The following RGS7 variants were observed in gnomAD, a reference collection of about 807,000 sequenced individuals.
The protein encoded by RGS7 is regulator of G-protein signaling 7.
RGS7 carries 27 observed loss-of-function variants against 81.1 expected under a neutral mutation model. The observed-to-expected ratio is 0.33, with a 90% CI of 0.25 to 0.46. The LOEUF is 0.46. RGS7 is among the 20% of genes least tolerant of loss of function. The pLI is 1.00. For synonymous variants in RGS7, 208 were observed against 207.7 expected, an observed-to-expected ratio of 1.00 and a Z score of -0.01; for missense variants, 396 against 607.4, an observed-to-expected ratio of 0.65 and a Z score of 3.66.
chr1:240,781,528 A>T (rs1349599657), intron 18 of RGS7, among the ~76,000 whole-genome samples: 3 of 152,040 alleles, frequency 2.0e-5, no homozygotes, highest in Non-Finnish European at 4.4e-5. Flanking sequence ...AATCGCTTGA[A>T]CCCAGGAGGC....
chr1:241,203,293 C>T (rs947040091), intron 2 of RGS7, among the ~76,000 whole-genome samples: 10 of 152,018 alleles, frequency 6.6e-5, no homozygotes, highest in Non-Finnish European at 8.8e-5. Flanking sequence ...AGTGCAGCAG[C>T]GTGATCTCGG....
chr1:241,152,290 G>A (rs2068812231), intron 2 of RGS7, among the ~76,000 whole-genome samples: 1 of 152,102 alleles, frequency 6.6e-6, no homozygotes, highest in African/African-American at 2.4e-5. Context: ...TTAAAAATAT[G>A]TGTAAAACAC....
At chr1:241,122,825 T>C (rs1172046802) in intron 2 of RGS7, among the ~76,000 whole-genome samples, 1 of 152,214 alleles carries the variant, frequency 6.6e-6, no homozygotes, top group African/African-American at 2.4e-5. Flanking sequence ...CCACTTGATT[T>C]GTTGACTCCT....
chr1:240,914,123 T>C (rs924789610), intron 6 of RGS7, among the ~76,000 whole-genome samples: 1 of 148,472 alleles, frequency 6.7e-6, no homozygotes, highest in East Asian at 2.0e-4. Context: ...ATGTTTTATT[T>C]TTCTTCCTGG....
At chr1:240,919,018 T>C (rs1673058545) in intron 6 of RGS7, among the ~76,000 whole-genome samples, 2 of 152,130 alleles carry the variant, frequency 1.3e-5, no homozygotes, top group South Asian at 4.1e-4. Context: ...AGATACAATC[T>C]ACTGAAACTC....
intron 10 of RGS7, among the ~76,000 whole-genome samples, chr1:240,816,726 C>G (rs2103120892): frequency 6.6e-6 from 1 of 152,264 alleles, no homozygotes; most frequent in South Asian, 2.1e-4. Flanking sequence ...TCAACACTAA[C>G]TAACATTTCA....
At chr1:241,076,462 A>C (rs1412983356) in intron 3 of RGS7, among the ~76,000 whole-genome samples, 1 of 152,190 alleles carries the variant, frequency 6.6e-6, no homozygotes, top group African/African-American at 2.4e-5. Flanking sequence ...CCTCACTCGG[A>C]GCAATCTCTG....
At chr1:241,239,452 C>G (rs1389399137) in intron 2 of RGS7, among the ~76,000 whole-genome samples, 2 of 152,152 alleles carry the variant, frequency 1.3e-5, no homozygotes, top group Admixed American at 6.6e-5. Context: ...TCATGTCCCC[C>G]CTTCACTCAA....
chr1:240,921,907 T>C (rs567492524), intron 6 of RGS7, among the ~76,000 whole-genome samples: 13 of 151,958 alleles, frequency 8.6e-5, no homozygotes, highest in African/African-American at 2.4e-4. Flanking sequence ...GATTCCAAAG[T>C]TGAAGTGGAA....
At chr1:241,042,178 G>A (rs1219160550) in intron 3 of RGS7, among the ~76,000 whole-genome samples, 1 of 152,182 alleles carries the variant, frequency 6.6e-6, no homozygotes, top group African/African-American at 2.4e-5. Flanking sequence ...CTGTACATAT[G>A]TATCATCTCT....
At chr1:241,011,183 A>T (rs1336906242) in intron 3 of RGS7, among the ~76,000 whole-genome samples, 1 of 152,204 alleles carries the variant, frequency 6.6e-6, no homozygotes, top group Admixed American at 6.5e-5. Context: ...TCACATTTTT[A>T]AAAAAGTTCT....
At position 241,015,599 on chromosome 1, in the gene RGS7, T is replaced by A. The variant is rs1210048565; in HGVS notation, c.176-32470A>T. On this transcript the variant is annotated intron_variant, in intron 3 of 18. Coordinates refer to ENST00000440928, the MANE Select transcript of RGS7 (RefSeq NM_001364886.1). ...TGTGCATTTTAGAGTAAATGATTGG[T>A]CTTGTACTGATTGATGGTAACAAAT... Among the ~76,000 whole-genome samples the A allele has an allele frequency of 2.0e-5, 3 of 152,206 alleles. No individual in the cohort carries two copies. The East Asian group carries it at 5.8e-4, about 29-fold the overall frequency.
chr1:240,970,766 CTCGAGATCAGGAGT>C (rs1425244582), intron 4 of RGS7, among the ~76,000 whole-genome samples: 2 of 152,130 alleles, frequency 1.3e-5, no homozygotes, highest in Non-Finnish European at 2.9e-5. Context: ...AGGTGGATTA[CTCGAGATCAGGAGT>C]TCAAGACCAG....
intron 3 of RGS7, among the ~76,000 whole-genome samples, chr1:241,010,624 T>C (rs1298023073): frequency 6.6e-6 from 1 of 152,236 alleles, no homozygotes; most frequent in Non-Finnish European, 1.5e-5. Flanking sequence ...TTAAAGTCCA[T>C]AGATCAAAAG....
At chr1:240,886,627 A>AAG (rs1267508992) in intron 6 of RGS7, among the ~76,000 whole-genome samples, 3 of 152,154 alleles carry the variant, frequency 2.0e-5, no homozygotes, top group Non-Finnish European at 4.4e-5. Flanking sequence ...CTCAAATAAA[A>AAG]AGAGAGAGAC....
intron 4 of RGS7, among the ~76,000 whole-genome samples, chr1:240,973,268 C>T (rs529804398): frequency 6.6e-6 from 1 of 152,116 alleles, no homozygotes; most frequent in South Asian, 2.1e-4. Context: ...GCCTGTATTC[C>T]AGCGCTTTGG....
chr1:240,993,753 A>C (rs1282330540), intron 3 of RGS7, among the ~76,000 whole-genome samples: 2 of 152,060 alleles, frequency 1.3e-5, no homozygotes, highest in African/African-American at 4.8e-5. Flanking sequence ...TATAGTATTA[A>C]ATCTAAGAAC....
rs908316794 is a variant in RGS7, at chr1:240,832,245, T to C, written c.610-5073A>G. On this transcript the variant is annotated intron_variant, in intron 9 of 18. Transcript: ENST00000440928. ...TTAAAATCTTCAAATATATACTATT[T>C]GCTGGATACAGTATTAAGCACATAG... 4.6e-5 allele frequency among the ~76,000 whole-genome samples: 7 copies of C among 152,224 alleles called. 1 individual carries two copies. Among genetic ancestry groups the C allele is most frequent in the African/African-American group, 1.7e-4 (7 of 41,462 alleles).
chr1:240,814,765 G>T lies in RGS7; in HGVS notation c.796C>A (p.Gln266Lys). ...AACCGATGTCTATCTAACTGTATTTGCCAATATTTTATCTGAAAAGAGGGT... is the reference window on the plus strand; with the variant it reads ...AACCGATGTCTATCTAACTGTATTTTCCAATATTTTATCTGAAAAGAGGGT... ...DELQQQIKYW[Q>K]IQLDRHRLKM... Residue 266 changes from glutamine (Q) to lysine (K), a missense_variant, in exon 12 of 19, where the codon CAA (glutamine) becomes AAA (lysine). Transcript: ENST00000440928. 1 of 1,593,912 alleles carries T rather than the reference G, an allele frequency of 6.3e-7. No individual in the cohort carries two copies. Among genetic ancestry groups the T allele is most frequent in the Non-Finnish European group, 8.6e-7 (1 of 1,162,144 alleles).
Sources: gnomAD v4.1 joint callset for allele counts (sites outside exome capture counted in the v4.1 genomes callset) on GRCh38, gnomAD v4.1.1 for gene constraint, MANE v1.5 for transcripts, NCBI Gene and HGNC (gene_info 2026-07-23, HGNC 2026-07-21) for gene names.